Variants in WDR90 observed in about 807,000 individuals in gnomAD.
WDR90 encodes WD repeat-containing protein 90.
Under a neutral mutation model 195.2 loss-of-function variants are expected in WDR90, and 238 were observed. That is an observed-to-expected ratio of 1.22 (90% CI 1.10 to 1.36). The LOEUF (loss-of-function observed/expected upper bound fraction) is 1.36, where lower values mean the gene tolerates loss of function less well. Ranked by LOEUF, WDR90 falls within the 40% of genes most tolerant of loss-of-function variation. The pLI is 0.00. For missense variants in WDR90, 2,734 were observed against 2,439.5 expected (o/e 1.12, Z -2.54); for synonymous variants, 1,265 against 1,052.4 (o/e 1.20, Z -3.91).
chr16:649,588 G>A, intron 1 of WDR90, 162 bp downstream of exon 1: 3 of 1,169,244 alleles, frequency 2.6e-6, no homozygotes, highest in South Asian at 2.6e-5. Flanking sequence ...GGCTCCCGGA[G>A]CTTGGCTTCC....
In WDR90 at chr16:666,632, G is replaced by A. The variant is rs73487477; in HGVS notation, c.4884+34G>A. 3.5e-3 allele frequency: 5,559 copies of A among 1,610,944 alleles called. 162 individuals carry two copies. The African/African-American group carries it at 0.063, about 18-fold the overall frequency. On this transcript the variant is annotated intron_variant, in intron 38 of 40. Coordinates refer to ENST00000293879, the MANE Select transcript of WDR90 (RefSeq NM_145294.5). Reference sequence around the variant, plus strand: ...TGCTCCTGGCACTGTGGGTGGGGCCGGTACCCATCCACCCCACCGCAGCAT... The same window carrying A: ...TGCTCCTGGCACTGTGGGTGGGGCCAGTACCCATCCACCCCACCGCAGCAT...
Position 649,810 on chromosome 16 carries a change from G to T in WDR90, c.58G>T (p.Glu20Ter), listed in dbSNP as rs754972923. ...LNVFRHFRVD[E>*]WKRSAKQGDV... ...CGTCTTCAGACACTTCCGGGTGGAC[G>T]AGTGGAAGCGCTCCGCCAAGCAGGG... is the stretch of plus-strand genomic sequence containing the variant. Residue 20 changes from glutamate to a stop codon, truncating the protein, a stop_gained, in exon 2 of 41, where the codon GAG becomes TAG. Coordinates refer to ENST00000293879, the MANE Select transcript of WDR90 (RefSeq NM_145294.5). LOFTEE classifies it high-confidence loss of function. 3 of 1,581,266 alleles carry T rather than the reference G, an allele frequency of 1.9e-6. No homozygotes were observed. In the Admixed American group the frequency reaches 5.4e-5, roughly 29 times the overall value.
At chr16:660,947 A>G in intron 28 of WDR90, 104 bp from the exon 29 acceptor site, 1 of 242,000 alleles carries the variant, frequency 4.1e-6, no homozygotes, top group Non-Finnish European at 4.9e-6. Context: ...GCCCCGCCCC[A>G]CGGCTCGGCC....
At chr16:665,460 T>C in intron 34 of WDR90, 1 of 664,394 alleles carries the variant, frequency 1.5e-6, no homozygotes, top group Non-Finnish European at 2.6e-6. Context: ...CGGGTTTGAC[T>C]GGCTAGTGGG....
At chr16:660,957 C>CCCCCCTCGCCCGGCCT in intron 28 of WDR90, 94 bp from the exon 29 acceptor site, 1 of 379,748 alleles carries the variant, frequency 2.6e-6, no homozygotes, top group Non-Finnish European at 3.2e-6. Flanking sequence ...ACGGCTCGGC[C>CCCCCCTCGCCCGGCCT]CAGGCCCCGC....
Position 656,530 on chromosome 16 carries a change from T to C in WDR90, c.2195T>C (p.Leu732Pro), listed in dbSNP as rs373591258. The C allele has an allele frequency of 1.5e-4, 234 of 1,568,804 alleles. No homozygotes were observed. The highest frequency in any genetic ancestry group is 1.9e-4 in the Non-Finnish European group (221 of 1,158,628). Residue 732 changes from leucine (L) to proline (P), a missense_variant, in exon 18 of 41, where the codon CTG becomes CCG. Physicochemically the swap from Leu to Pro is moderately conservative, Grantham distance 98. Coordinates refer to ENST00000293879, the MANE Select transcript of WDR90 (RefSeq NM_145294.5). ...GTCCGCATCTGGGACCTGGCCACCC[T>C]GCAGCAGGTGGGGTTTGGCAGGGGC... ...RTVRIWDLAT[L>P]QQLYDFTSSE...
chr16:651,231 A>G lies in WDR90; in HGVS notation c.701A>G (p.Lys234Arg). Reference protein sequence around the residue: ...FPSESLKVPSKPIEKSCSPPE... With the variant: ...FPSESLKVPSRPIEKSCSPPE... ...AGTGAGAGCTTGAAAGTGCCTTCCA[A>G]GCCGATTGAGAAGAGCTGTTCCCCT... The change falls in exon 7 of 41, where the codon AAG (lysine) becomes AGG (arginine). Residue 234 changes from lysine to arginine, a missense_variant. Transcript: ENST00000293879. 2 of 1,613,184 alleles carry G rather than the reference A, an allele frequency of 1.2e-6. No homozygotes were observed. Among genetic ancestry groups the G allele is most frequent in the South Asian group, 2.2e-5 (2 of 91,070 alleles).
intron 10 of WDR90, 65 bp downstream of exon 10, chr16:652,600 C>T (rs751177083): frequency 1.6e-4 from 239 of 1,493,156 alleles, no homozygotes; most frequent in Non-Finnish European, 2.0e-4. Context: ...GAGTACAGAA[C>T]GGGGAGAGAG....
chr16:659,235 T>G lies in WDR90; in HGVS notation c.3053-10T>G, dbSNP rs746410406. The stretch of plus-strand genomic sequence containing the variant: ...CCTTCCCAAACATCACAGGGCTGCT[T>G]CTTCCCCAGGCCCGGGCGCAGGACC... On this transcript the variant is annotated splice_polypyrimidine_tract_variant and intron_variant, in intron 25 of 40. Coordinates refer to ENST00000293879, the MANE Select transcript of WDR90 (RefSeq NM_145294.5). 6 of 1,611,604 alleles carry G rather than the reference T, an allele frequency of 3.7e-6. No individual in the cohort carries two copies. Among genetic ancestry groups the G allele is most frequent in the East Asian group, 2.2e-5 (1 of 44,858 alleles).
chr16:661,726 T>G lies in WDR90; in HGVS notation c.3803T>G (p.Val1268Gly). The G allele has an allele frequency of 6.2e-7, 1 of 1,612,282 alleles. No homozygotes were observed. The highest frequency in any genetic ancestry group is 1.1e-5 in the South Asian group (1 of 91,048). Residue 1268 changes from valine to glycine, a missense_variant, in exon 31 of 41, where the codon GTG (valine) becomes GGG (glycine). Coordinates refer to ENST00000293879, the MANE Select transcript of WDR90 (RefSeq NM_145294.5). Reference sequence around the variant, plus strand: ...TGGGACGCCGGCGAGCTCACCTGTGTGGGCCAGGGCACTGTCACCTTCTGG... The same window carrying G: ...TGGGACGCCGGCGAGCTCACCTGTGGGGGCCAGGGCACTGTCACCTTCTGG... ...NPWDAGELTCVGQGTVTFWLL... is the reference protein window; with the variant it reads ...NPWDAGELTCGGQGTVTFWLL...
chr16:658,892 C>T lies in WDR90; in HGVS notation c.2896-4C>T, dbSNP rs1230289299. ...GGTCCTGCATGTGACGCCGCTACCCCTAGGTGTACATCGGCCACTCGGAAC... is the reference window on the plus strand; with the variant it reads ...GGTCCTGCATGTGACGCCGCTACCCTTAGGTGTACATCGGCCACTCGGAAC... On this transcript the variant is annotated splice_polypyrimidine_tract_variant and splice_region_variant and intron_variant, in intron 23 of 40. Coordinates refer to ENST00000293879, the MANE Select transcript of WDR90 (RefSeq NM_145294.5). 10 of 1,611,400 alleles carry T rather than the reference C, an allele frequency of 6.2e-6. No homozygotes were observed. The highest frequency in any genetic ancestry group is 8.5e-6 in the Non-Finnish European group (10 of 1,179,928).
Position 657,109 on chromosome 16 carries a change from C to G in WDR90, c.2361C>G (p.Val787=). ...GCTGCAGGTGCCACCGAGGAGCTGTCACCGGCCTGACCGCCACCCCTGACG... is the reference window on the plus strand; with the variant it reads ...GCTGCAGGTGCCACCGAGGAGCTGTGACCGGCCTGACCGCCACCCCTGACG... ...LVEHTCHRGA[V]TGLTATPDGR... The change falls in exon 20 of 41, where the codon GTC becomes GTG. Residue 787 remains valine, a synonymous_variant. Transcript: ENST00000293879. 3 of 1,593,404 alleles carry G rather than the reference C, an allele frequency of 1.9e-6. No individual in the cohort carries two copies. Among genetic ancestry groups the G allele is most frequent in the South Asian group, 1.1e-5 (1 of 88,246 alleles).
chr16:662,187 G>T, intron 32 of WDR90, 33 bp from the exon 33 acceptor site: 1 of 1,520,930 alleles, frequency 6.6e-7, no homozygotes, highest in Middle Eastern at 1.7e-4. Context: ...TGGGAAGGCA[G>T]CCGTGGCCCC....
chr16:667,113 G>A, intron 40 of WDR90, 124 bp downstream of exon 40: 1 of 1,065,718 alleles, frequency 9.4e-7, no homozygotes, highest in Non-Finnish European at 1.4e-6. Flanking sequence ...GGTGGGGTGA[G>A]GACATCTGCC....
intron 10 of WDR90, among the ~76,000 whole-genome samples, 196 bp from the exon 11 acceptor site, chr16:653,145 C>T (rs531129783): frequency 2.0e-5 from 3 of 152,320 alleles, no homozygotes; most frequent in South Asian, 4.1e-4. Flanking sequence ...TTGACACATG[C>T]AGCCTGTGAC....
chr16:659,594 C>T (rs1463529682), intron 26 of WDR90, among the ~76,000 whole-genome samples: 1 of 152,172 alleles, frequency 6.6e-6, no homozygotes, highest in Non-Finnish European at 1.5e-5. Flanking sequence ...GGCAGCTTTT[C>T]CTCTCCCCCT....
chr16:657,921 G>C, intron 21 of WDR90, 29 bp downstream of exon 21: 1 of 1,525,108 alleles, frequency 6.6e-7, no homozygotes, highest in Non-Finnish European at 8.8e-7. Flanking sequence ...TGGGTCCAGG[G>C]AGACTGGGCC....
intron 7 of WDR90, among the ~76,000 whole-genome samples, 188 bp from the exon 8 acceptor site, chr16:651,456 G>A (rs759566916): frequency 3.3e-5 from 5 of 152,122 alleles, no homozygotes; most frequent in Admixed American, 6.5e-5. Flanking sequence ...AGGGGTACCC[G>A]GGGGCCCCAA....
At position 651,885 on chromosome 16, in the gene WDR90, G is replaced by A. The variant is rs762761046; in HGVS notation, c.899G>A (p.Arg300His). The A allele has an allele frequency of 3.6e-5, 58 of 1,610,638 alleles. No homozygotes were observed. In the East Asian group the frequency reaches 4.0e-4, roughly 11 times the overall value. The change falls in exon 9 of 41, where the codon CGC becomes CAC. Residue 300 changes from arginine to histidine, a missense_variant. By Grantham distance (29) the Arg-to-His change is conservative. Transcript: ENST00000293879. ...CCGGAGGTCAGCCTGTCCCAAGAGC[G>A]CTCAGACGCCTCCAACGCGGATGGC... Reference protein sequence around the residue: ...PFPEVSLSQERSDASNADGPG... With the variant: ...PFPEVSLSQEHSDASNADGPG...
Sources: allele counts gnomAD v4.1 joint callset (sites outside exome capture counted in the v4.1 genomes callset), GRCh38; gene constraint gnomAD v4.1.1; transcripts MANE v1.5; gene names NCBI Gene and HGNC (gene_info 2026-07-23, HGNC 2026-07-21).